PARP11: variants seen among roughly 807,000 people sequenced by gnomAD.
PARP11 encodes the protein protein mono-ADP-ribosyltransferase PARP11.
PARP11 carries 31 observed loss-of-function variants against 42.9 expected under a neutral mutation model. That is an observed-to-expected ratio of 0.72 (90% confidence interval 0.54 to 0.98). The LOEUF is 0.98. Among genes scored for constraint, PARP11 ranks in the 50% least tolerant of loss-of-function variants. PARP11 has a pLI of 0.00. For synonymous variants in PARP11, 137 were observed against 127.3 expected, an observed-to-expected ratio of 1.08 and a Z score of -0.51; for missense variants, 365 against 413.1, an observed-to-expected ratio of 0.88 and a Z score of 1.01.
At chr12:3,830,677 G>A (rs1030268182) in intron 1 of PARP11, among the ~76,000 whole-genome samples, 9 of 152,026 alleles carry the variant, frequency 5.9e-5, no homozygotes, top group African/African-American at 2.2e-4. Flanking sequence ...TACTTACTAC[G>A]TGCCAGCTAC....
chr12:3,860,915 T>A (rs1025530492), intron 1 of PARP11, among the ~76,000 whole-genome samples: 1 of 152,154 alleles, frequency 6.6e-6, no homozygotes, highest in Non-Finnish European at 1.5e-5. Context: ...TGGCCTCAAG[T>A]GATCCTCCCA....
chr12:3,845,220 C>G (rs935275190), intron 1 of PARP11, among the ~76,000 whole-genome samples: 1 of 152,182 alleles, frequency 6.6e-6, no homozygotes, highest in African/African-American at 2.4e-5. Context: ...GTCTCCTTGG[C>G]AGCAGGATGC....
chr12:3,812,950 G>T (rs767896254), intron 7 of PARP11, among the ~76,000 whole-genome samples: 1 of 151,972 alleles, frequency 6.6e-6, no homozygotes, highest in Non-Finnish European at 1.5e-5. Context: ...TTACAGGCGC[G>T]TGCCACCACA....
intron 1 of PARP11, chr12:3,841,155 T>A: frequency 6.3e-7 from 1 of 1,598,432 alleles, no homozygotes; most frequent in Non-Finnish European, 8.6e-7. Context: ...TGAGCCTTTA[T>A]CAAGACCCAC....
intron 1 of PARP11, among the ~76,000 whole-genome samples, chr12:3,853,309 T>C (rs1365615643): frequency 1.3e-5 from 2 of 152,164 alleles, no homozygotes. Context: ...ATAAATGAGC[T>C]AAATACCCCA....
chr12:3,862,633 G>A (rs560652679), intron 1 of PARP11, among the ~76,000 whole-genome samples: 7 of 150,490 alleles, frequency 4.7e-5, no homozygotes, highest in Admixed American at 2.6e-4. Context: ...GTATAGCAAA[G>A]TATGGAGTGA....
At chr12:3,844,789 G>C (rs1333484637) in intron 1 of PARP11, among the ~76,000 whole-genome samples, 1 of 152,148 alleles carries the variant, frequency 6.6e-6, no homozygotes, top group Admixed American at 6.5e-5. Flanking sequence ...TAAAAGAACT[G>C]ACTTTTGATA....
chr12:3,822,971 G>A (rs1947431430), intron 4 of PARP11, among the ~76,000 whole-genome samples: 1 of 152,068 alleles, frequency 6.6e-6, no homozygotes, highest in Non-Finnish European at 1.5e-5. Flanking sequence ...ACCTTTAAGG[G>A]TTATTAGCAC....
chr12:3,852,828 T>C (rs1480164508), intron 1 of PARP11, among the ~76,000 whole-genome samples: 4 of 151,886 alleles, frequency 2.6e-5, no homozygotes, highest in African/African-American at 9.7e-5. Context: ...GATACATAAT[T>C]GCCAGATTCA....
chr12:3,842,286 A>G, intron 1 of PARP11: 2 of 1,601,690 alleles, frequency 1.2e-6, no homozygotes, highest in Non-Finnish European at 1.7e-6. Context: ...GAAGTGGTAG[A>G]TCCAAGCAGT....
At chr12:3,835,687 G>A (rs1947747656) in intron 1 of PARP11, among the ~76,000 whole-genome samples, 1 of 152,112 alleles carries the variant, frequency 6.6e-6, no homozygotes, top group Admixed American at 6.5e-5. Context: ...TATCAATAAA[G>A]AGAGAAATAA....
chr12:3,852,000 A>G (rs996914871), intron 1 of PARP11, among the ~76,000 whole-genome samples: 10 of 152,214 alleles, frequency 6.6e-5, no homozygotes, highest in African/African-American at 2.4e-4. Flanking sequence ...CAGGTTCTGG[A>G]GTGGACCTCC....
At chr12:3,866,563 T>C (rs1740718998) in intron 1 of PARP11, among the ~76,000 whole-genome samples, 1 of 152,176 alleles carries the variant, frequency 6.6e-6, no homozygotes, top group Admixed American at 6.5e-5. Flanking sequence ...CACTATAATA[T>C]CCCATTATAT....
At position 3,842,291 on chromosome 12, in the gene PARP11, A is replaced by T. The variant is rs143179331; in HGVS notation, c.19-12273T>A. 750 of 1,602,060 alleles carry T rather than the reference A, an allele frequency of 4.7e-4. 3 individuals carry two copies. The African/African-American group carries it at 8.5e-3, about 18-fold the overall frequency. On this transcript the variant is annotated intron_variant, in intron 1 of 7. Coordinates refer to ENST00000228820, the MANE Select transcript of PARP11 (RefSeq NM_020367.6). ...CATATTTTGAGAAGTGGTAGATCCA[A>T]GCAGTTCTATAATCAAACTTATGGG...
chr12:3,840,991 A>G lies in PARP11; in HGVS notation c.19-10973T>C, dbSNP rs1391400366. On this transcript the variant is annotated intron_variant, in intron 1 of 7. Coordinates refer to ENST00000228820, the MANE Select transcript of PARP11 (RefSeq NM_020367.6). The surrounding 1 kb of genome is among the most constrained non-coding windows in gnomAD (Gnocchi z 4.4). ...AAGTGAACCTACAACTTTTGGACCA[A>G]CAGGTGTCCCTGCTCCAATTCCTGG... 6.2e-6 allele frequency: 10 copies of G among 1,606,200 alleles called. No homozygotes were observed. Among genetic ancestry groups the G allele is most frequent in the Admixed American group, 5.0e-5 (3 of 60,020 alleles).
intron 1 of PARP11, among the ~76,000 whole-genome samples, chr12:3,859,992 G>A (rs2138113850): frequency 6.6e-6 from 1 of 152,270 alleles, no homozygotes; most frequent in South Asian, 2.1e-4. Flanking sequence ...GAGTGGCCTG[G>A]GTCCTCCTGA....
chr12:3,840,911 A>G lies in PARP11; in HGVS notation c.19-10893T>C. 6.2e-7 allele frequency: 1 copy of G among 1,602,164 alleles called. No homozygotes were observed. Among genetic ancestry groups the G allele is most frequent in the Non-Finnish European group, 8.6e-7 (1 of 1,169,090 alleles). On this transcript the variant is annotated intron_variant, in intron 1 of 7. Transcript: ENST00000228820. The surrounding 1 kb of genome is among the most constrained non-coding windows in gnomAD (Gnocchi z 4.4). ...CCAGCTCCCCTTCTAGTTTCTCCAG[A>G]GGTACATCTAACTCCTGCAGTGCCT... is the stretch of plus-strand genomic sequence containing the variant.
intron 1 of PARP11, among the ~76,000 whole-genome samples, chr12:3,852,199 A>G (rs1948108856): frequency 6.6e-6 from 1 of 152,262 alleles, no homozygotes; most frequent in Admixed American, 6.5e-5. Context: ...AGAAAAGCTG[A>G]AAATTCTAAA....
chr12:3,812,500 A>G, intron 7 of PARP11, 61 bp from the exon 8 acceptor site: 1 of 1,276,234 alleles, frequency 7.8e-7, no homozygotes, highest in Non-Finnish European at 1.1e-6. Flanking sequence ...AAAAACAAGC[A>G]AAAACATTTT....
Sources: allele counts gnomAD v4.1 joint callset (sites outside exome capture counted in the v4.1 genomes callset), GRCh38; gene constraint gnomAD v4.1.1; non-coding constraint Gnocchi (gnomAD v3.1); transcripts MANE v1.5; gene names NCBI Gene and HGNC (gene_info 2026-07-23, HGNC 2026-07-21).